Variants in CREB5 observed in about 807,000 individuals in gnomAD.
CREB5 encodes cyclic AMP-responsive element-binding protein 5.
Under a neutral mutation model 57.1 loss-of-function variants are expected in CREB5, and 19 were observed. That is an observed-to-expected ratio of 0.33 (90% confidence interval 0.23 to 0.49). The LOEUF is 0.49. Ranked by LOEUF, CREB5 falls within the 20% of genes least tolerant of loss-of-function variation. The pLI is 0.99. For missense variants in CREB5, 579 were observed against 671.6 expected (o/e 0.86, Z 1.52); for synonymous variants, 238 against 238.3 (o/e 1.00, Z 0.01).
rs565646580 is a variant in CREB5, at chr7:28,644,475, G to A, written c.464+73938G>A. 5.9e-5 allele frequency among the ~76,000 whole-genome samples: 9 copies of A among 152,226 alleles called. No homozygotes were observed. In the East Asian group the frequency reaches 1.2e-3, roughly 20 times the overall value. On this transcript the variant is annotated intron_variant, in intron 5 of 10. Coordinates refer to ENST00000357727, the MANE Select transcript of CREB5 (RefSeq NM_182898.4). ...TTGAGTCCCATTATGGTAAAAACAC[G>A]ACTCTATCTAGCGTAAGACCTTGTC...
chr7:28,585,217 A>T (rs761663081), intron 5 of CREB5, among the ~76,000 whole-genome samples: 1 of 152,252 alleles, frequency 6.6e-6, no homozygotes, highest in Non-Finnish European at 1.5e-5. Flanking sequence ...GAAGATCAGC[A>T]TTGTAGAGAG....
chr7:28,611,637 C>G (rs758953067), intron 5 of CREB5, among the ~76,000 whole-genome samples: 1 of 150,532 alleles, frequency 6.6e-6, no homozygotes, highest in Non-Finnish European at 1.5e-5. Context: ...GATTGCGCCA[C>G]TGCACTCTAG....
At chr7:28,359,202 G>A (rs544136382) in intron 1 of CREB5, among the ~76,000 whole-genome samples, 3 of 143,158 alleles carry the variant, frequency 2.1e-5, no homozygotes, top group African/African-American at 7.7e-5. Context: ...ACCCAAAAAA[G>A]CGAATACACA....
chr7:28,438,308 C>G (rs761628081), intron 1 of CREB5, among the ~76,000 whole-genome samples: 1 of 151,946 alleles, frequency 6.6e-6, no homozygotes, highest in African/African-American at 2.4e-5. Context: ...GTTGCATACT[C>G]CAAAAACGGG....
chr7:28,333,492 C>A (rs1285386088), intron 1 of CREB5, among the ~76,000 whole-genome samples: 1 of 152,096 alleles, frequency 6.6e-6, no homozygotes, highest in Non-Finnish European at 1.5e-5. Flanking sequence ...AGATCTGATT[C>A]ATTATTTTTA....
intron 1 of CREB5, among the ~76,000 whole-genome samples, chr7:28,371,508 A>AT (rs1182186098): frequency 6.6e-6 from 1 of 151,528 alleles, no homozygotes; most frequent in Non-Finnish European, 1.5e-5. Flanking sequence ...AAAAAAAAAA[A>AT]AAAAGATTCA....
intron 1 of CREB5, among the ~76,000 whole-genome samples, chr7:28,378,903 C>T (rs1786901273): frequency 6.6e-6 from 1 of 152,198 alleles, no homozygotes; most frequent in South Asian, 2.1e-4. Context: ...TGGCATTCCC[C>T]CAATCTTCCT....
intron 1 of CREB5, among the ~76,000 whole-genome samples, chr7:28,475,630 T>C (rs1482346576): frequency 6.6e-6 from 1 of 152,028 alleles, no homozygotes; most frequent in Non-Finnish European, 1.5e-5. Flanking sequence ...ACAATCTGTG[T>C]CAGTCTTATT....
At chr7:28,517,523 A>T (rs1455239852) in intron 4 of CREB5, among the ~76,000 whole-genome samples, 1 of 152,160 alleles carries the variant, frequency 6.6e-6, no homozygotes, top group African/African-American at 2.4e-5. Context: ...AGTCCCACCA[A>T]AGTCCAAAGA....
At chr7:28,372,845 T>C (rs1786734646) in intron 1 of CREB5, among the ~76,000 whole-genome samples, 1 of 152,240 alleles carries the variant, frequency 6.6e-6, no homozygotes, top group East Asian at 1.9e-4. Context: ...AAAAATTGTA[T>C]TAAAACATTT....
intron 5 of CREB5, among the ~76,000 whole-genome samples, chr7:28,600,231 G>C (rs1011421971): frequency 1.3e-5 from 2 of 152,108 alleles, no homozygotes; most frequent in African/African-American, 4.8e-5. Flanking sequence ...GTGGATTGAA[G>C]GGAAAATGCT....
intron 1 of CREB5, among the ~76,000 whole-genome samples, chr7:28,355,794 T>C (rs1786328057): frequency 6.6e-6 from 1 of 152,092 alleles, no homozygotes; most frequent in South Asian, 2.1e-4. Flanking sequence ...CAGGAATAAT[T>C]AACTGGAAAT....
chr7:28,526,581 A>G (rs895883582), intron 4 of CREB5, among the ~76,000 whole-genome samples: 2 of 152,218 alleles, frequency 1.3e-5, no homozygotes, highest in African/African-American at 4.8e-5. Context: ...AGTTTTGGTT[A>G]CTACAGAACA....
chr7:28,812,319 A>C (rs1437625619), intron 9 of CREB5, among the ~76,000 whole-genome samples: 1 of 152,226 alleles, frequency 6.6e-6, no homozygotes, highest in East Asian at 1.9e-4. Flanking sequence ...CATAGCAGAG[A>C]GCCAGGAAAG....
intron 1 of CREB5, among the ~76,000 whole-genome samples, chr7:28,387,498 T>C (rs1032680504): frequency 2.6e-5 from 4 of 152,298 alleles, no homozygotes; most frequent in African/African-American, 4.8e-5. Context: ...GATGGACAGA[T>C]TGCAAAAATT....
rs578048330 is a variant in CREB5, at chr7:28,650,900, A to G, written c.465-67853A>G. Among the ~76,000 whole-genome samples, 61 of 152,266 alleles carry G rather than the reference A, an allele frequency of 4.0e-4. 1 individual carries two copies. Among genetic ancestry groups the G allele is most frequent in the Non-Finnish European group, 1.6e-4 (11 of 68,022 alleles). On this transcript the variant is annotated intron_variant, in intron 5 of 10. Transcript: ENST00000357727. ...TGGATGAAAGTTTTCTGATGTGTTT[A>G]CTTGGTTCACATAAAGATGGCAGGG...
chr7:28,563,861 A>G (rs1050869366), intron 4 of CREB5, among the ~76,000 whole-genome samples: 3 of 151,956 alleles, frequency 2.0e-5, no homozygotes, highest in African/African-American at 7.3e-5. Context: ...GCTAGGAGGG[A>G]GAGGTGGCCT....
chr7:28,584,769 G>T (rs559954294), intron 5 of CREB5, among the ~76,000 whole-genome samples: 3 of 145,996 alleles, frequency 2.1e-5, no homozygotes, highest in African/African-American at 7.4e-5. Context: ...CTTTGCCAAC[G>T]GAATCGTGGT....
chr7:28,784,628 C>T (rs1172796288), intron 7 of CREB5, among the ~76,000 whole-genome samples: 1 of 152,102 alleles, frequency 6.6e-6, no homozygotes, highest in South Asian at 2.1e-4. Flanking sequence ...GCAGAAATTT[C>T]GCGCCAGTGT....
Sources: allele counts gnomAD v4.1 joint callset (sites outside exome capture counted in the v4.1 genomes callset), GRCh38; gene constraint gnomAD v4.1.1; transcripts MANE v1.5; gene names NCBI Gene and HGNC (gene_info 2026-07-23, HGNC 2026-07-21).